FHIT: variants seen among roughly 807,000 people sequenced by gnomAD.
FHIT encodes fragile histidine triad diadenosine triphosphatase.
In FHIT, 19 loss-of-function variants were observed where a neutral mutation model predicts 17.9. That is an observed-to-expected ratio of 1.06 (90% CI 0.74 to 1.56). The LOEUF (loss-of-function observed/expected upper bound fraction) is 1.56, where lower values mean the gene tolerates loss of function less well. Among genes scored for constraint, FHIT ranks in the 40% most tolerant of loss-of-function variants. The pLI is 0.00. For synonymous variants in FHIT, 81 were observed against 69.7 expected, an observed-to-expected ratio of 1.16 and a Z score of -0.81; for missense variants, 248 against 189.2, an observed-to-expected ratio of 1.31 and a Z score of -1.82.
chr3:60,164,603 A>T (rs1163907764), intron 5 of FHIT, among the ~76,000 whole-genome samples: 10 of 136,862 alleles, frequency 7.3e-5, no homozygotes, highest in Non-Finnish European at 1.6e-4. Flanking sequence ...ATTGAAAGTA[A>T]TTGGTCAAAA....
chr3:60,554,166 C>T (rs892934049), intron 4 of FHIT, among the ~76,000 whole-genome samples: 8 of 151,012 alleles, frequency 5.3e-5, no homozygotes. Context: ...CACTGAAGGA[C>T]AAAGTATGGC....
chr3:60,993,803 G>A (rs771696182), intron 3 of FHIT, among the ~76,000 whole-genome samples: 13 of 152,142 alleles, frequency 8.5e-5, no homozygotes, highest in Admixed American at 1.3e-4. Context: ...AGGTCTGAAC[G>A]AGGGCCTAGA....
chr3:59,972,624 G>A (rs1183808820), intron 7 of FHIT, among the ~76,000 whole-genome samples: 1 of 152,004 alleles, frequency 6.6e-6, no homozygotes, highest in African/African-American at 2.4e-5. Flanking sequence ...CAAACTCCCT[G>A]ACAAGTGGAA....
At chr3:59,785,156 A>G (rs1437731939) in intron 8 of FHIT, among the ~76,000 whole-genome samples, 1 of 152,064 alleles carries the variant, frequency 6.6e-6, no homozygotes, top group Non-Finnish European at 1.5e-5. Flanking sequence ...CCCATGACCC[A>G]ATCACCTCCC....
rs73834235 is a variant in FHIT, at chr3:60,571,459, A to G, written c.-17-34480T>C. On this transcript the variant is annotated intron_variant, in intron 4 of 9. Transcript: ENST00000492590. The stretch of plus-strand genomic sequence containing the variant: ...TTAATATCAATTAATTTTCTTTTAC[A>G]GGAGTAGATTATACAGAAGTCTTTA... 1.7e-3 allele frequency among the ~76,000 whole-genome samples: 252 copies of G among 151,526 alleles called. 3 individuals are homozygous for G. Among genetic ancestry groups the G allele is most frequent in the African/African-American group, 5.9e-3 (243 of 41,372 alleles).
chr3:61,147,819 C>T (rs1056208946), intron 2 of FHIT, among the ~76,000 whole-genome samples: 5 of 151,862 alleles, frequency 3.3e-5, no homozygotes, highest in African/African-American at 1.2e-4. Flanking sequence ...AAAGCCAGTT[C>T]CTTTTTCACC....
intron 5 of FHIT, among the ~76,000 whole-genome samples, chr3:60,295,380 GA>G (rs1708161634): frequency 6.6e-6 from 1 of 152,116 alleles, no homozygotes; most frequent in Non-Finnish European, 1.5e-5. Context: ...CTTCTGATGA[GA>G]ACCTCAGGAA....
intron 8 of FHIT, among the ~76,000 whole-genome samples, chr3:59,918,714 C>G (rs925146288): frequency 6.6e-6 from 1 of 152,166 alleles, no homozygotes; most frequent in Non-Finnish European, 1.5e-5. Flanking sequence ...TATGCATGCA[C>G]CATTAGCCAG....
intron 4 of FHIT, among the ~76,000 whole-genome samples, chr3:60,686,361 G>A (rs879968075): frequency 1.3e-5 from 2 of 152,004 alleles, no homozygotes; most frequent in Non-Finnish European, 2.9e-5. Context: ...TCAAATATTA[G>A]GTTGGCACAA....
At chr3:59,920,439 G>A (rs1575697802) in intron 8 of FHIT, among the ~76,000 whole-genome samples, 1 of 152,130 alleles carries the variant, frequency 6.6e-6, no homozygotes, top group African/African-American at 2.4e-5. Context: ...CTTTTCTGTG[G>A]GGCCATCAGA....
intron 5 of FHIT, among the ~76,000 whole-genome samples, chr3:60,448,796 C>A (rs1342288016): frequency 1.3e-5 from 2 of 152,256 alleles, no homozygotes; most frequent in East Asian, 3.9e-4. Flanking sequence ...CATGATTCTT[C>A]CCTACTACAT....
At chr3:60,946,310 C>T (rs1708636747) in intron 3 of FHIT, among the ~76,000 whole-genome samples, 1 of 152,164 alleles carries the variant, frequency 6.6e-6, no homozygotes, top group Non-Finnish European at 1.5e-5. Flanking sequence ...CATTTCATAA[C>T]AAGGGCACTA....
rs188564324 is a variant in FHIT, at chr3:59,962,969, G to A, written c.280-40555C>T. Among the ~76,000 whole-genome samples, 34 of 152,236 alleles carry A rather than the reference G, an allele frequency of 2.2e-4. 1 individual carries two copies. The South Asian group carries it at 6.0e-3, about 27-fold the overall frequency. On this transcript the variant is annotated intron_variant, in intron 7 of 9. Coordinates refer to ENST00000492590, the MANE Select transcript of FHIT (RefSeq NM_002012.4). ...CCAGGTATAATAAGAAAAGCAAAAT[G>A]TATTGGCCAGGTGCAGTGGCCCATG... is the stretch of plus-strand genomic sequence containing the variant.
chr3:61,104,518 C>A (rs369377830), intron 2 of FHIT, among the ~76,000 whole-genome samples: 1 of 152,144 alleles, frequency 6.6e-6, no homozygotes, highest in South Asian at 2.1e-4. Context: ...GTCATTTCAA[C>A]CATGGAGAAT....
intron 5 of FHIT, among the ~76,000 whole-genome samples, chr3:60,163,724 C>T (rs1220667663): frequency 1.3e-5 from 2 of 152,124 alleles, no homozygotes; most frequent in Admixed American, 6.5e-5. Context: ...GGGTCTGCAC[C>T]GAGCATCATG....
At chr3:59,863,041 C>G in intron 8 of FHIT, among the ~76,000 whole-genome samples, 1 of 152,160 alleles carries the variant, frequency 6.6e-6, no homozygotes, top group East Asian at 1.9e-4. Context: ...AAGATGGAAG[C>G]CAGGGGACAA....
At chr3:60,584,333 A>G (rs2037839975) in intron 4 of FHIT, among the ~76,000 whole-genome samples, 1 of 151,936 alleles carries the variant, frequency 6.6e-6, no homozygotes, top group Non-Finnish European at 1.5e-5. Context: ...ATTGGCCAGC[A>G]TACCTCTATC....
At chr3:60,512,745 G>A (rs1348092006) in intron 5 of FHIT, among the ~76,000 whole-genome samples, 2 of 152,132 alleles carry the variant, frequency 1.3e-5, no homozygotes, top group Non-Finnish European at 2.9e-5. Flanking sequence ...TAAATGAACC[G>A]AATCAGGAGA....
chr3:60,801,258 T>C (rs1320730257), intron 4 of FHIT, among the ~76,000 whole-genome samples: 2 of 152,290 alleles, frequency 1.3e-5, no homozygotes, highest in Admixed American at 1.3e-4. Context: ...TACTTCCAGG[T>C]TGCCAGTCTC....
Sources: allele counts gnomAD v4.1 joint callset (sites outside exome capture counted in the v4.1 genomes callset), GRCh38; gene constraint gnomAD v4.1.1; transcripts MANE v1.5; gene names NCBI Gene and HGNC (gene_info 2026-07-23, HGNC 2026-07-21).